ARHGEF10L: variants seen among roughly 807,000 people sequenced by gnomAD.
The protein encoded by ARHGEF10L is Rho guanine nucleotide exchange factor 10 like, also known as rho guanine nucleotide exchange factor 10-like protein.
In ARHGEF10L, 69 loss-of-function variants were observed where a neutral mutation model predicts 141.2. The observed-to-expected ratio is 0.49, with a 90% CI of 0.40 to 0.60. The LOEUF is 0.60. ARHGEF10L is among the 20% of genes least tolerant of loss of function. The pLI is 0.00. For synonymous variants in ARHGEF10L, 711 were observed against 718.5 expected (o/e 0.99, Z 0.17); for missense variants, 1,482 against 1,734.3 (o/e 0.85, Z 2.58).
intron 5 of ARHGEF10L, among the ~76,000 whole-genome samples, chr1:17,602,460 G>A (rs964160424): frequency 6.6e-6 from 1 of 152,172 alleles, no homozygotes; most frequent in Non-Finnish European, 1.5e-5. Flanking sequence ...AGGCCAGGGC[G>A]GCCCAGTGGT....
chr1:17,659,667 A>C (rs1342157902), intron 25 of ARHGEF10L, among the ~76,000 whole-genome samples: 1 of 152,248 alleles, frequency 6.6e-6, no homozygotes, highest in African/African-American at 2.4e-5. Flanking sequence ...TAGACCCCTC[A>C]TCTTCGTCTA....
chr1:17,624,470 C>A lies in ARHGEF10L; in HGVS notation c.1284C>A (p.Cys428Ter). Residue 428 changes from cysteine (C) to a stop codon, truncating the protein, a stop_gained, in exon 13 of 29, where the codon TGC (cysteine) becomes TGA (stop). Transcript: ENST00000361221. LOFTEE classifies it high-confidence loss of function. The part of the protein sequence containing the change: ...TSAMSIIKKA[C>*]LTKPAFLEFL... ...CCATGTCCATCATCAAGAAGGCCTGCCTCACCAAGCCTGCCTTCCTCGAGT... is the reference window on the plus strand; with the variant it reads ...CCATGTCCATCATCAAGAAGGCCTGACTCACCAAGCCTGCCTTCCTCGAGT... 6.2e-7 allele frequency: 1 copy of A among 1,614,226 alleles called. No individual in the cohort carries two copies. The highest frequency in any genetic ancestry group is 8.5e-7 in the Non-Finnish European group (1 of 1,180,032).
Position 17,656,852 on chromosome 1 carries a change from C to G in ARHGEF10L, c.2860+144C>G, listed in dbSNP as rs911868553. 2 of 1,068,182 alleles carry G rather than the reference C, an allele frequency of 1.9e-6. No homozygotes were observed. Among genetic ancestry groups the G allele is most frequent in the Non-Finnish European group, 2.6e-6 (2 of 765,840 alleles). 66.2% of individuals were successfully genotyped at this position (1,068,182 alleles called of 1,614,324 possible). On this transcript the variant is annotated intron_variant, in intron 25 of 28. Transcript: ENST00000361221. This position sits in a 1 kb window ranked among gnomAD's most constrained non-coding sequence, Gnocchi z 4.9. Reference sequence around the variant, plus strand: ...TGAGGGCATTTGGAGATCCGTGAGCCCCGCTGGGGTTCAATGGGTGGTCCC... The same window carrying G: ...TGAGGGCATTTGGAGATCCGTGAGCGCCGCTGGGGTTCAATGGGTGGTCCC...
chr1:17,661,556 G>C (rs1177502733), intron 25 of ARHGEF10L, among the ~76,000 whole-genome samples: 1 of 152,208 alleles, frequency 6.6e-6, no homozygotes, highest in African/African-American at 2.4e-5. Flanking sequence ...CCACAGCGAG[G>C]CTCTGTTCCA....
the ARHGEF10L span, among the ~76,000 whole-genome samples, chr1:17,515,183 G>A: frequency 6.6e-6 from 1 of 152,256 alleles, no homozygotes; most frequent in Non-Finnish European, 1.5e-5. Flanking sequence ...ATTAGGCAAC[G>A]TCTGCAGACA....
intron 27 of ARHGEF10L, chr1:17,694,583 G>T (rs932309593): frequency 8.6e-6 from 2 of 232,726 alleles, no homozygotes; most frequent in African/African-American, 4.7e-5. Context: ...AGCGAGTTTT[G>T]TGCTTCACTC....
chr1:17,661,136 A>G (rs2062598762), intron 25 of ARHGEF10L, among the ~76,000 whole-genome samples: 1 of 152,056 alleles, frequency 6.6e-6, no homozygotes, highest in African/African-American at 2.4e-5. Context: ...CCCAGGCTGG[A>G]GTGCAGTGGC....
Position 17,635,027 on chromosome 1 carries a change from CCT to C in ARHGEF10L, c.1927+16_1927+17del. 1 of 1,613,712 alleles carries C rather than the reference CCT, an allele frequency of 6.2e-7. No homozygotes were observed. Among genetic ancestry groups the C allele is most frequent in the Non-Finnish European group, 8.5e-7 (1 of 1,179,830 alleles). On this transcript the variant is annotated intron_variant, in intron 18 of 28. Transcript: ENST00000361221. Reference sequence around the variant, plus strand: ...CAGGGCAGGCTCAGAGTGAGTACCCCCTCTCTGTGCCCTGCGTTCGTCACCCT... The same window carrying C: ...CAGGGCAGGCTCAGAGTGAGTACCCCCTCTGTGCCCTGCGTTCGTCACCCT...
intron 1 of ARHGEF10L, among the ~76,000 whole-genome samples, chr1:17,569,032 C>G (rs891986658): frequency 6.6e-6 from 1 of 152,184 alleles, no homozygotes; most frequent in Non-Finnish European, 1.5e-5. Flanking sequence ...CCAGTCACAG[C>G]TGAAAGACCT....
the ARHGEF10L span, among the ~76,000 whole-genome samples, chr1:17,526,001 C>CA: frequency 0.057 from 3,431 of 59,788 alleles, 61 homozygotes; most frequent in East Asian, 0.13. Context: ...GACTCTGTCT[C>CA]AAAAAAAAAA....
Position 17,627,238 on chromosome 1 carries a change from T to A in ARHGEF10L, c.1411-92T>A. 1.4e-6 allele frequency: 2 copies of A among 1,468,240 alleles called. No homozygotes were observed. Among genetic ancestry groups the A allele is most frequent in the Non-Finnish European group, 1.9e-6 (2 of 1,078,554 alleles). The allele number at this position is 1,468,240 out of a possible 1,614,324, so 91.0% of individuals were successfully genotyped here. On this transcript the variant is annotated intron_variant, in intron 14 of 28. Coordinates refer to ENST00000361221, the MANE Select transcript of ARHGEF10L (RefSeq NM_018125.4). The surrounding 1 kb of genome is among the most constrained non-coding windows in gnomAD (Gnocchi z 4.0). ...GGCCGGGCCCTTTGCAGACCCAGTG[T>A]GTGTAGGGGGTTGCGCAGGGTGAGG...
At chr1:17,612,993 T>C (rs1386139130) in intron 7 of ARHGEF10L, 65 bp from the exon 8 acceptor site, 3 of 1,120,856 alleles carry the variant, frequency 2.7e-6, no homozygotes, top group Non-Finnish European at 4.1e-6. Context: ...CTGTGTTTTG[T>C]CTCCTTCCTG....
chr1:17,641,489 G>A (rs527924590), intron 21 of ARHGEF10L, among the ~76,000 whole-genome samples: 8 of 151,520 alleles, frequency 5.3e-5, no homozygotes, highest in Admixed American at 5.3e-4. Flanking sequence ...AAATTAGCCT[G>A]GCACACGCCT....
At chr1:17,633,622 G>C (rs767104431) in intron 16 of ARHGEF10L, among the ~76,000 whole-genome samples, 1 of 152,146 alleles carries the variant, frequency 6.6e-6, no homozygotes, top group African/African-American at 2.4e-5. Context: ...AAAGTGCTGG[G>C]ATTACAGGCG....
Position 17,626,039 on chromosome 1 carries a change from C to G in ARHGEF10L, c.1401C>G (p.Leu467=). ...KPIQRFPQFI[L]LLQDMLKNTP... ...TCCAGAGGTTCCCACAGTTCATACT[C>G]CTGCTTCAGGTACTGCTCAGGATTC... The change falls in exon 14 of 29, where the codon CTC becomes CTG. Residue 467 remains leucine, a synonymous_variant. Coordinates refer to ENST00000361221, the MANE Select transcript of ARHGEF10L (RefSeq NM_018125.4). 1 of 1,613,918 alleles carries G rather than the reference C, an allele frequency of 6.2e-7. No individual in the cohort carries two copies. Among genetic ancestry groups the G allele is most frequent in the Non-Finnish European group, 8.5e-7 (1 of 1,179,838 alleles).
chr1:17,641,207 A>C (rs1253314839), intron 21 of ARHGEF10L, among the ~76,000 whole-genome samples: 1 of 152,274 alleles, frequency 6.6e-6, no homozygotes, highest in Non-Finnish European at 1.5e-5. Context: ...CCCTCCAGAC[A>C]GAGCTATTAT....
At chr1:17,548,754 T>G (rs2077006290) in intron 1 of ARHGEF10L, among the ~76,000 whole-genome samples, 2 of 146,266 alleles carry the variant, frequency 1.4e-5, no homozygotes, top group South Asian at 4.6e-4. Flanking sequence ...GTTCAAGCAA[T>G]TCTCCAGCCT....
intron 15 of ARHGEF10L, among the ~76,000 whole-genome samples, chr1:17,631,605 C>T (rs777402786): frequency 2.0e-5 from 3 of 152,214 alleles, no homozygotes; most frequent in Non-Finnish European, 2.9e-5. Context: ...CATACAGGGC[C>T]GGCCTCTCAG....
chr1:17,624,413 G>C lies in ARHGEF10L; in HGVS notation c.1227G>C (p.Val409=). 6.2e-7 allele frequency: 1 copy of C among 1,614,186 alleles called. No homozygotes were observed. The highest frequency in any genetic ancestry group is 8.5e-7 in the Non-Finnish European group (1 of 1,180,010). ...TTTCCAAGTCCATGGTGCTAGATGT[G>C]TACAGTGACTACGTGAACAACTTCA... The part of the protein sequence containing the change: ...ASFSKSMVLD[V]YSDYVNNFTS... Residue 409 remains valine, a synonymous_variant, in exon 13 of 29, where the codon GTG becomes GTC. Transcript: ENST00000361221.
Sources: gnomAD v4.1 joint callset for allele counts (sites outside exome capture counted in the v4.1 genomes callset) on GRCh38, gnomAD v4.1.1 for gene constraint, Gnocchi (gnomAD v3.1) non-coding constraint, MANE v1.5 for transcripts, NCBI Gene and HGNC (gene_info 2026-07-23, HGNC 2026-07-21) for gene names.